The following ADGRB3 variants were observed in gnomAD, a reference collection of about 807,000 sequenced individuals.
The protein encoded by ADGRB3 is brain-specific angiogenesis inhibitor 3.
ADGRB3 carries 37 observed loss-of-function variants against 193.4 expected under a neutral mutation model. The ratio of observed to expected loss-of-function variants is 0.19; its 90% CI spans 0.15 to 0.25. The LOEUF (loss-of-function observed/expected upper bound fraction) is 0.25, where lower values mean the gene tolerates loss of function less well. ADGRB3 is among the 10% of genes least tolerant of loss of function. The pLI is 1.00. For synonymous variants in ADGRB3, 690 were observed against 644.2 expected, an observed-to-expected ratio of 1.07 and a Z score of -1.08; for missense variants, 1,637 against 1,852.9, an observed-to-expected ratio of 0.88 and a Z score of 2.14.
chr6:69,373,634 G>C (rs1458376340), intron 30 of ADGRB3, among the ~76,000 whole-genome samples: 1 of 152,030 alleles, frequency 6.6e-6, no homozygotes, highest in Non-Finnish European at 1.5e-5. Context: ...ACAATATTCA[G>C]CAATCTTTGC....
chr6:69,359,786 T>C (rs1769413332), intron 28 of ADGRB3, among the ~76,000 whole-genome samples: 1 of 151,930 alleles, frequency 6.6e-6, no homozygotes, highest in South Asian at 2.1e-4. Flanking sequence ...CGTAGGTAGG[T>C]TAGCACCAGA....
intron 17 of ADGRB3, among the ~76,000 whole-genome samples, chr6:69,094,759 A>T (rs886440605): frequency 6.6e-6 from 1 of 152,192 alleles, no homozygotes; most frequent in African/African-American, 2.4e-5. Flanking sequence ...CTCTAGTCAG[A>T]TAATGTCATT....
At chr6:68,967,094 G>A (rs377423160) in intron 8 of ADGRB3, among the ~76,000 whole-genome samples, 2 of 152,160 alleles carry the variant, frequency 1.3e-5, no homozygotes, top group Admixed American at 6.6e-5. Context: ...GTTTGCACCT[G>A]TGAATCTATG....
intron 17 of ADGRB3, among the ~76,000 whole-genome samples, chr6:69,076,914 G>A (rs895397017): frequency 1.3e-5 from 2 of 151,894 alleles, no homozygotes; most frequent in African/African-American, 4.8e-5. Context: ...CTACATCTGA[G>A]GTTTTGTGAT....
chr6:68,993,992 G>T (rs1769313916), intron 11 of ADGRB3, 30 bp downstream of exon 11: 2 of 1,601,726 alleles, frequency 1.2e-6, no homozygotes, highest in East Asian at 4.5e-5. Flanking sequence ...GAAGGAAAGG[G>T]CTAGTGAAGA....
intron 30 of ADGRB3, among the ~76,000 whole-genome samples, chr6:69,373,992 T>C (rs1029535447): frequency 5.9e-5 from 9 of 152,094 alleles, no homozygotes; most frequent in East Asian, 1.9e-4. Flanking sequence ...CTTAAGCTGA[T>C]ACTTACTTCT....
chr6:68,734,724 A>C (rs2127335342), intron 3 of ADGRB3, among the ~76,000 whole-genome samples: 1 of 152,206 alleles, frequency 6.6e-6, no homozygotes, highest in South Asian at 2.1e-4. Flanking sequence ...TCTCTTAGAA[A>C]CAACAAAGAA....
chr6:69,219,875 G>A (rs1372223790), intron 17 of ADGRB3, among the ~76,000 whole-genome samples: 1 of 151,912 alleles, frequency 6.6e-6, no homozygotes, highest in Admixed American at 6.6e-5. Flanking sequence ...TATGTGTAAT[G>A]TACATTATAG....
At chr6:68,773,852 A>G (rs9446056) in intron 3 of ADGRB3, among the ~76,000 whole-genome samples, 25,934 of 152,042 alleles carry the variant, frequency 0.17, 2,699 homozygotes, top group African/African-American at 0.29. Context: ...ATAGAAGAAG[A>G]AAGGCTCCTT....
chr6:68,878,436 T>A (rs1022111705), intron 3 of ADGRB3, among the ~76,000 whole-genome samples: 3 of 151,954 alleles, frequency 2.0e-5, no homozygotes, highest in African/African-American at 4.8e-5. Flanking sequence ...AAAAAAAAAA[T>A]TAATACCTAG....
In ADGRB3 at chr6:69,122,061, C is replaced by G. The variant is rs188285868; in HGVS notation, c.2480+46023C>G. Among the ~76,000 whole-genome samples the G allele has an allele frequency of 6.6e-3, 327 of 49,776 alleles. 5 individuals are homozygous for G. The highest frequency in any genetic ancestry group is 0.016 in the African/African-American group (320 of 20,622). The allele number at this position is 49,776 out of a possible 152,430, so 32.7% of individuals were successfully genotyped here. A position where few individuals can be genotyped will look rare whatever the true frequency, so the allele number is the denominator to read the frequency against. On this transcript the variant is annotated intron_variant, in intron 17 of 31. Coordinates refer to ENST00000370598, the MANE Select transcript of ADGRB3 (RefSeq NM_001704.3). ...CCCACTTCCCAGACGGGGTGGTGGCCGGGCAGTAATCTTAGCACTTTGGGA... is the reference window on the plus strand; with the variant it reads ...CCCACTTCCCAGACGGGGTGGTGGCGGGGCAGTAATCTTAGCACTTTGGGA...
intron 20 of ADGRB3, among the ~76,000 whole-genome samples, chr6:69,324,629 G>T (rs371376581): frequency 2.2e-4 from 34 of 151,852 alleles, no homozygotes; most frequent in Admixed American, 1.1e-3. Context: ...TTACATTCAG[G>T]GTTCTTCTCA....
chr6:69,331,477 A>T (rs1238927675), intron 23 of ADGRB3: 7 of 949,588 alleles, frequency 7.4e-6, no homozygotes, highest in Non-Finnish European at 8.8e-6. Flanking sequence ...TCATTCAAAA[A>T]ATTGGAAGGT....
chr6:69,036,567 G>T (rs1045834316), intron 13 of ADGRB3, among the ~76,000 whole-genome samples: 5 of 152,004 alleles, frequency 3.3e-5, no homozygotes, highest in Admixed American at 2.6e-4. Context: ...GGCAGAAAAT[G>T]AGTAAGTCTA....
At chr6:69,209,780 A>G (rs1041129220) in intron 17 of ADGRB3, among the ~76,000 whole-genome samples, 3 of 152,188 alleles carry the variant, frequency 2.0e-5, no homozygotes, top group African/African-American at 7.2e-5. Flanking sequence ...TTGGTTCTCC[A>G]CATATGGTCA....
chr6:68,969,617 G>A (rs1327743290), intron 8 of ADGRB3, among the ~76,000 whole-genome samples: 1 of 152,038 alleles, frequency 6.6e-6, no homozygotes, highest in African/African-American at 2.4e-5. Context: ...TGGATTAAGG[G>A]GGCAGATGGA....
chr6:68,875,567 T>C (rs1765575439), intron 3 of ADGRB3, among the ~76,000 whole-genome samples: 1 of 151,994 alleles, frequency 6.6e-6, no homozygotes, highest in African/African-American at 2.4e-5. Flanking sequence ...TATTATTTAC[T>C]GAGATTTTAT....
intron 3 of ADGRB3, among the ~76,000 whole-genome samples, chr6:68,717,308 C>A (rs2127320557): frequency 6.6e-6 from 1 of 151,626 alleles, no homozygotes; most frequent in South Asian, 2.1e-4. Flanking sequence ...AAATTTAGAG[C>A]CACAGTTATA....
At chr6:68,970,708 C>A (rs1316274230) in intron 8 of ADGRB3, among the ~76,000 whole-genome samples, 1 of 152,158 alleles carries the variant, frequency 6.6e-6, no homozygotes, top group Admixed American at 6.6e-5. Flanking sequence ...AAAAATGTAG[C>A]CTAGCACATG....
Sources: allele counts gnomAD v4.1 joint callset (sites outside exome capture counted in the v4.1 genomes callset), GRCh38; gene constraint gnomAD v4.1.1; transcripts MANE v1.5; gene names NCBI Gene and HGNC (gene_info 2026-07-23, HGNC 2026-07-21).